Variants in TMCO1 observed in about 807,000 individuals in gnomAD.
The protein encoded by TMCO1 is transmembrane and coiled-coil domains 1.
TMCO1 carries 29 observed loss-of-function variants against 29.3 expected under a neutral mutation model. The ratio of observed to expected loss-of-function variants is 0.99; its 90% CI spans 0.74 to 1.35. The LOEUF (loss-of-function observed/expected upper bound fraction) is 1.35, where lower values mean the gene tolerates loss of function less well. TMCO1 is among the 40% of genes most tolerant of loss of function. The probability of loss-of-function intolerance (pLI) is 0.00; values close to 1 mark genes in which losing one functional copy is unlikely to be tolerated. For synonymous variants in TMCO1, 80 were observed against 77.1 expected (o/e 1.04, Z -0.20); for missense variants, 173 against 225.5 (o/e 0.77, Z 1.49).
At chr1:165,740,975 T>C (rs1651571945) in intron 6 of TMCO1, among the ~76,000 whole-genome samples, 1 of 152,232 alleles carries the variant, frequency 6.6e-6, no homozygotes, top group Non-Finnish European at 1.5e-5. Flanking sequence ...GAAAATGGGC[T>C]AGGGCAGCTC....
In TMCO1 at chr1:165,748,770, T is replaced by C. The variant is rs554590137; in HGVS notation, c.323+3332A>G. Among the ~76,000 whole-genome samples, 5 of 152,304 alleles carry C rather than the reference T, an allele frequency of 3.3e-5. No individual in the cohort carries two copies. The East Asian group carries it at 9.6e-4, about 29-fold the overall frequency. On this transcript the variant is annotated intron_variant, in intron 5 of 6. Transcript: ENST00000367881. ...TCTATGGGTTTGGACAAATATATAA[T>C]AACATGTTATCTACCATTATAGTAT...
At chr1:165,737,652 T>G (rs779660671) in intron 6 of TMCO1, among the ~76,000 whole-genome samples, 11 of 152,138 alleles carry the variant, frequency 7.2e-5, no homozygotes, top group Admixed American at 5.2e-4. Context: ...GAAGAACTTT[T>G]CAGAAACAAT....
chr1:165,745,401 C>T (rs1651759297), intron 5 of TMCO1, among the ~76,000 whole-genome samples: 1 of 148,042 alleles, frequency 6.8e-6, no homozygotes, highest in Non-Finnish European at 1.5e-5. Flanking sequence ...CTTTGAGAGG[C>T]CGAGGCAGGA....
At chr1:165,751,408 A>G (rs1651987552) in intron 5 of TMCO1, among the ~76,000 whole-genome samples, 1 of 152,032 alleles carries the variant, frequency 6.6e-6, no homozygotes, top group African/African-American at 2.4e-5. Context: ...TGTATTTTAT[A>G]AAAATTAAAT....
chr1:165,739,814 A>G (rs1476881152), intron 6 of TMCO1, among the ~76,000 whole-genome samples: 1 of 152,088 alleles, frequency 6.6e-6, no homozygotes, highest in East Asian at 1.9e-4. Context: ...TCTGCCTGAA[A>G]TTAAAACAGA....
intron 3 of TMCO1, 59 bp from the exon 4 acceptor site, chr1:165,754,333 A>C: frequency 1.5e-6 from 2 of 1,366,716 alleles, no homozygotes; most frequent in Non-Finnish European, 2.1e-6. Context: ...GCAGCTGTTA[A>C]ATAAACTGTC....
intron 5 of TMCO1, among the ~76,000 whole-genome samples, chr1:165,744,100 C>T (rs183572553): frequency 9.9e-5 from 15 of 152,128 alleles, no homozygotes; most frequent in Admixed American, 2.6e-4. Flanking sequence ...CCTCATGATC[C>T]GCCTGCCTCA....
At chr1:165,747,192 T>C (rs1441198390) in intron 5 of TMCO1, among the ~76,000 whole-genome samples, 1 of 134,990 alleles carries the variant, frequency 7.4e-6, no homozygotes, top group Non-Finnish European at 1.5e-5. Flanking sequence ...ACCCGGGAGG[T>C]AGAGGCTGCA....
At chr1:165,734,515 A>T (rs141120318) in intron 6 of TMCO1, among the ~76,000 whole-genome samples, 28 of 151,444 alleles carry the variant, frequency 1.8e-4, no homozygotes, top group East Asian at 1.6e-3. Flanking sequence ...TTTTATTTTT[A>T]TTTTTTGAGA....
rs150897294 is a variant in TMCO1 at position 165,753,712 on chromosome 1, G to A, written c.255+516C>T. On this transcript the variant is annotated intron_variant, in intron 4 of 6. Transcript: ENST00000367881. ...TGTAGTCCCAGCTACTTGGGAGGCT[G>A]AGACAAGAGGGTCCCTAGAGCCCAA... Among the ~76,000 whole-genome samples the A allele has an allele frequency of 2.8e-3, 431 of 152,214 alleles. 7 individuals carry two copies. Among genetic ancestry groups the A allele is most frequent in the African/African-American group, 8.8e-3 (364 of 41,534 alleles).
At chr1:165,739,733 T>A (rs1012212770) in intron 6 of TMCO1, among the ~76,000 whole-genome samples, 1 of 151,912 alleles carries the variant, frequency 6.6e-6, no homozygotes, top group Admixed American at 6.6e-5. Flanking sequence ...TTGAAAACTC[T>A]ACAGTTTTAG....
intron 6 of TMCO1, among the ~76,000 whole-genome samples, chr1:165,740,864 C>T (rs1340484237): frequency 1.3e-5 from 2 of 152,122 alleles, no homozygotes; most frequent in Non-Finnish European, 2.9e-5. Flanking sequence ...GCAGGAAGGC[C>T]CTCAGTAGAT....
intron 5 of TMCO1, among the ~76,000 whole-genome samples, chr1:165,746,945 C>T (rs1051891850): frequency 3.9e-5 from 6 of 151,954 alleles, no homozygotes; most frequent in Non-Finnish European, 8.8e-5. Flanking sequence ...GGAAGATGTC[C>T]AATTAGAAAA....
Position 165,755,638 on chromosome 1 carries a change from A to G in TMCO1, c.209-1364T>C, listed in dbSNP as rs116764476. ...CCACTATACTTCAGCCTGGGCTGAC[A>G]GAGGGTAACCTTGCTTCAAAAACAA... On this transcript the variant is annotated intron_variant, in intron 3 of 6. Transcript: ENST00000367881. Among the ~76,000 whole-genome samples, 1,175 of 152,344 alleles carry G rather than the reference A, an allele frequency of 7.7e-3. 16 individuals carry two copies. Among genetic ancestry groups the G allele is most frequent in the Non-Finnish European group, 0.013 (866 of 68,034 alleles).
At chr1:165,758,556 C>CA (rs377195614) in intron 3 of TMCO1, among the ~76,000 whole-genome samples, 2,638 of 147,406 alleles carry the variant, frequency 0.018, 31 homozygotes, top group Admixed American at 0.026. Context: ...AACTCTGTCT[C>CA]AAAAAAAAAC....
intron 6 of TMCO1, 84 bp from the exon 7 acceptor site, chr1:165,728,205 C>T (rs1317580227): frequency 1.0e-6 from 1 of 1,004,114 alleles, no homozygotes; most frequent in Non-Finnish European, 1.5e-6. Flanking sequence ...GCAAAGGGAA[C>T]TCATACTCAT....
At chr1:165,733,180 A>G (rs1651237194) in intron 6 of TMCO1, among the ~76,000 whole-genome samples, 1 of 152,196 alleles carries the variant, frequency 6.6e-6, no homozygotes, top group Non-Finnish European at 1.5e-5. Flanking sequence ...ACTGAATACC[A>G]CACTGTACAG....
At chr1:165,739,587 C>T (rs919727333) in intron 6 of TMCO1, among the ~76,000 whole-genome samples, 1 of 152,064 alleles carries the variant, frequency 6.6e-6, no homozygotes, top group Admixed American at 6.5e-5. Flanking sequence ...TGGGGTCTCA[C>T]CATGTTTCCC....
intron 3 of TMCO1, among the ~76,000 whole-genome samples, chr1:165,757,596 A>T (rs540895074): frequency 6.6e-6 from 1 of 152,312 alleles, no homozygotes; most frequent in African/African-American, 2.4e-5. Context: ...TCCCAGATTC[A>T]AGTGGATTCT....
Sources: allele counts gnomAD v4.1 joint callset (sites outside exome capture counted in the v4.1 genomes callset), GRCh38; gene constraint gnomAD v4.1.1; transcripts MANE v1.5; gene names NCBI Gene and HGNC (gene_info 2026-07-23, HGNC 2026-07-21).